Variants in SGCE observed in about 807,000 individuals in gnomAD.
The protein encoded by SGCE is epsilon-sarcoglycan.
SGCE carries 26 observed loss-of-function variants against 57.8 expected under a neutral mutation model. The observed-to-expected ratio is 0.45, with a 90% CI of 0.33 to 0.62. The LOEUF is 0.62. SGCE is among the 20% of genes least tolerant of loss of function. SGCE has a pLI of 0.02. For synonymous variants in SGCE, 183 were observed against 189.5 expected, an observed-to-expected ratio of 0.97 and a Z score of 0.28; for missense variants, 468 against 548.6, an observed-to-expected ratio of 0.85 and a Z score of 1.47.
At chr7:94,646,562 G>T (rs548450013) in intron 1 of SGCE, among the ~76,000 whole-genome samples, 4 of 152,136 alleles carry the variant, frequency 2.6e-5, no homozygotes, top group Non-Finnish European at 5.9e-5. Flanking sequence ...GTCCTCACTT[G>T]CACAATGTTG....
chr7:94,652,213 A>C (rs1808001521), intron 1 of SGCE, among the ~76,000 whole-genome samples: 1 of 152,160 alleles, frequency 6.6e-6, no homozygotes, highest in Non-Finnish European at 1.5e-5. Context: ...ACACAGACCC[A>C]TATCATCAAT....
rs112644680 is a variant in SGCE, at chr7:94,609,968, G to A, written c.663-6516C>T. On this transcript the variant is annotated intron_variant, in intron 5 of 10. Transcript: ENST00000648936. Reference sequence around the variant, plus strand: ...ATGGGGGCAACCAAGATGTCCTCCAGTAGGTGAATGATAATTAAACCGTGG... The same window carrying A: ...ATGGGGGCAACCAAGATGTCCTCCAATAGGTGAATGATAATTAAACCGTGG... Among the ~76,000 whole-genome samples, 439 of 152,316 alleles carry A rather than the reference G, an allele frequency of 2.9e-3. 6 individuals are homozygous for A. The highest frequency in any genetic ancestry group is 1.0e-2 in the African/African-American group (415 of 41,560).
intron 1 of SGCE, among the ~76,000 whole-genome samples, chr7:94,649,965 A>G (rs973192675): frequency 6.6e-6 from 1 of 152,194 alleles, no homozygotes; most frequent in Non-Finnish European, 1.5e-5. Context: ...GGGTCCTGTA[A>G]GGAAGCCCTA....
intron 1 of SGCE, among the ~76,000 whole-genome samples, chr7:94,655,694 G>A (rs1489768530): frequency 6.6e-6 from 1 of 152,116 alleles, no homozygotes; most frequent in Non-Finnish European, 1.5e-5. Flanking sequence ...GGGCTGGGCG[G>A]GGAGGGGGAT....
chr7:94,614,129 A>C (rs1020698126), intron 5 of SGCE, among the ~76,000 whole-genome samples: 11 of 151,290 alleles, frequency 7.3e-5, no homozygotes, highest in South Asian at 2.1e-4. Flanking sequence ...AAAAAAAAAA[A>C]ACACAGTAAA....
intron 5 of SGCE, among the ~76,000 whole-genome samples, chr7:94,605,065 TC>T (rs1458268575): frequency 4.0e-5 from 6 of 151,792 alleles, no homozygotes; most frequent in Non-Finnish European, 7.4e-5. Context: ...TTATATTCAT[TC>T]TTTTTACTCC....
At chr7:94,587,845 A>G in intron 10 of SGCE, 5 of 1,528,498 alleles carry the variant, frequency 3.3e-6, no homozygotes, top group Non-Finnish European at 4.4e-6. Context: ...TAGAGAAGAT[A>G]ATTTCTGAAT....
chr7:94,636,984 G>A (rs569958254), intron 1 of SGCE, among the ~76,000 whole-genome samples: 11 of 151,594 alleles, frequency 7.3e-5, no homozygotes, highest in East Asian at 1.9e-4. Flanking sequence ...ACTTGAACCC[G>A]GGAGGAGGAA....
intron 1 of SGCE, 148 bp downstream of exon 1, chr7:94,655,842 G>A (rs1808572808): frequency 1.4e-5 from 9 of 653,802 alleles, no homozygotes; most frequent in South Asian, 1.3e-4. Flanking sequence ...GGTACAGGGT[G>A]TACTGAAGGA....
chr7:94,625,524 A>T (rs1803568763), intron 3 of SGCE: 2 of 152,232 alleles, frequency 1.3e-5, no homozygotes, highest in Middle Eastern at 3.4e-3. Flanking sequence ...AGAAGTAGTC[A>T]TTCTGGATTT....
Position 94,639,706 on chromosome 7 carries a change from A to G in SGCE, c.110-9865T>C, listed in dbSNP as rs113604209. 8.6e-3 allele frequency among the ~76,000 whole-genome samples: 1,305 copies of G among 152,336 alleles called. 26 individuals carry two copies. Among genetic ancestry groups the G allele is most frequent in the African/African-American group, 0.03 (1,242 of 41,570 alleles). On this transcript the variant is annotated intron_variant, in intron 1 of 10. Transcript: ENST00000648936. ...GCAATTCATGTACATATACATATAC[A>G]TACATACACATATATACACACACAC...
chr7:94,588,645 T>C, intron 10 of SGCE, 44 bp downstream of exon 10: 1 of 1,566,206 alleles, frequency 6.4e-7, no homozygotes, highest in Non-Finnish European at 8.8e-7. Context: ...TTTTAATCTA[T>C]TAGATTCATT....
chr7:94,655,673 G>C (rs1159040817), intron 1 of SGCE, among the ~76,000 whole-genome samples: 4 of 152,126 alleles, frequency 2.6e-5, no homozygotes. Context: ...GATCGGGAGA[G>C]GACTACCCTG....
At chr7:94,598,478 T>A (rs1046933278) in intron 9 of SGCE, 3 of 337,526 alleles carry the variant, frequency 8.9e-6, no homozygotes, top group Non-Finnish European at 1.6e-5. Context: ...CTTTTTTTTA[T>A]AATTAACTCA....
intron 3 of SGCE, 65 bp downstream of exon 3, chr7:94,628,137 T>A: frequency 2.0e-6 from 2 of 991,512 alleles, no homozygotes; most frequent in Non-Finnish European, 3.1e-6. Flanking sequence ...CAAATTACAA[T>A]ACACACACAC....
intron 1 of SGCE, among the ~76,000 whole-genome samples, chr7:94,648,314 G>A (rs1014995700): frequency 7.0e-6 from 1 of 141,978 alleles, no homozygotes; most frequent in Non-Finnish European, 1.5e-5. Context: ...GGCGGAGGTT[G>A]CAGTGAGCCA....
intron 5 of SGCE, chr7:94,618,277 G>A (rs546567829): frequency 6.3e-6 from 1 of 158,282 alleles, no homozygotes; most frequent in African/African-American, 2.4e-5. Flanking sequence ...CAGCTTGTGA[G>A]TGACAAGGTC....
chr7:94,628,464 G>C, intron 2 of SGCE, 105 bp from the exon 3 acceptor site: 1 of 912,924 alleles, frequency 1.1e-6, no homozygotes, highest in Non-Finnish European at 1.7e-6. Context: ...TCTTACATTT[G>C]TAGCCAACTA....
intron 5 of SGCE, among the ~76,000 whole-genome samples, chr7:94,609,594 G>C (rs776839211): frequency 1.3e-5 from 2 of 152,160 alleles, no homozygotes; most frequent in African/African-American, 4.8e-5. Context: ...AGTTATACTC[G>C]TGGTAAATAT....
Sources: allele counts gnomAD v4.1 joint callset (sites outside exome capture counted in the v4.1 genomes callset), GRCh38; gene constraint gnomAD v4.1.1; transcripts MANE v1.5; gene names NCBI Gene and HGNC (gene_info 2026-07-23, HGNC 2026-07-21).